The following IQCB1 variants were observed in gnomAD, a reference collection of about 807,000 sequenced individuals.
IQCB1 encodes the protein IQ motif containing B1.
Under a neutral mutation model 84.4 loss-of-function variants are expected in IQCB1, and 56 were observed. That is an observed-to-expected ratio of 0.66 (90% CI 0.54 to 0.83). IQCB1 has a LOEUF of 0.83. Ranked by LOEUF, IQCB1 falls within the 40% of genes least tolerant of loss-of-function variation. The pLI is 0.00. For missense variants in IQCB1, 629 were observed against 682.1 expected, an observed-to-expected ratio of 0.92 and a Z score of 0.87; for synonymous variants, 210 against 234.8, an observed-to-expected ratio of 0.89 and a Z score of 0.96.
chr3:121,802,191 G>T (rs898004310), intron 7 of IQCB1, among the ~76,000 whole-genome samples: 4 of 151,958 alleles, frequency 2.6e-5, no homozygotes, highest in African/African-American at 9.7e-5. Context: ...TTCTAGAAAA[G>T]TTTGCTTAAG....
intron 8 of IQCB1, among the ~76,000 whole-genome samples, chr3:121,798,461 A>T (rs538216561): frequency 6.6e-6 from 1 of 152,012 alleles, no homozygotes; most frequent in East Asian, 1.9e-4. Context: ...TAAAACAAAG[A>T]TAACATATAA....
intron 14 of IQCB1, among the ~76,000 whole-genome samples, chr3:121,771,857 G>A (rs1948005257): frequency 1.3e-5 from 2 of 152,096 alleles, no homozygotes; most frequent in South Asian, 2.1e-4. Flanking sequence ...TGGTTATGAT[G>A]AATTCATTTT....
chr3:121,792,961 G>C (rs1207188640), intron 10 of IQCB1, among the ~76,000 whole-genome samples: 3 of 152,104 alleles, frequency 2.0e-5, no homozygotes, highest in Non-Finnish European at 4.4e-5. Context: ...TGAAATGACT[G>C]ATCAGATGTC....
At chr3:121,796,329 C>A (rs1208125109) in intron 9 of IQCB1, among the ~76,000 whole-genome samples, 1 of 151,836 alleles carries the variant, frequency 6.6e-6, no homozygotes, top group Non-Finnish European at 1.5e-5. Flanking sequence ...AATTTATTGT[C>A]TTTTTGGTTT....
chr3:121,819,280 A>G (rs1950186331), intron 5 of IQCB1, among the ~76,000 whole-genome samples: 1 of 152,212 alleles, frequency 6.6e-6, no homozygotes, highest in Non-Finnish European at 1.5e-5. Flanking sequence ...AGATTCTCAT[A>G]ATGAGCCTGC....
chr3:121,828,713 C>A, intron 3 of IQCB1, 81 bp from the exon 4 acceptor site: 2 of 1,095,322 alleles, frequency 1.8e-6, no homozygotes, highest in Admixed American at 2.0e-5. Flanking sequence ...GTTGAATAAT[C>A]ACTAAAAATA....
intron 12 of IQCB1, among the ~76,000 whole-genome samples, chr3:121,787,979 G>A (rs1166287351): frequency 1.3e-5 from 2 of 152,132 alleles, no homozygotes; most frequent in Admixed American, 1.3e-4. Context: ...GTGATGAGCT[G>A]ACAACAATAA....
chr3:121,787,548 C>G (rs973618082), intron 12 of IQCB1, among the ~76,000 whole-genome samples: 1 of 151,988 alleles, frequency 6.6e-6, no homozygotes, highest in Non-Finnish European at 1.5e-5. Flanking sequence ...GTCTAGAGAT[C>G]GAGACCATCC....
At chr3:121,783,462 C>G (rs1203985833) in intron 12 of IQCB1, among the ~76,000 whole-genome samples, 1 of 152,168 alleles carries the variant, frequency 6.6e-6, no homozygotes, top group African/African-American at 2.4e-5. Context: ...CACATAAAGG[C>G]TATTCACTTT....
intron 7 of IQCB1, among the ~76,000 whole-genome samples, chr3:121,805,125 T>G (rs1472707862): frequency 6.6e-6 from 1 of 152,206 alleles, no homozygotes; most frequent in Non-Finnish European, 1.5e-5. Flanking sequence ...AATTCCAACA[T>G]ATGTACCAGT....
chr3:121,829,944 C>T (rs1354867799), intron 2 of IQCB1, among the ~76,000 whole-genome samples: 1 of 152,144 alleles, frequency 6.6e-6, no homozygotes, highest in African/African-American at 2.4e-5. Context: ...CAGTGGCTCA[C>T]ACCTATAATC....
intron 2 of IQCB1, among the ~76,000 whole-genome samples, chr3:121,832,285 T>C (rs1484007292): frequency 6.6e-6 from 1 of 152,024 alleles, no homozygotes; most frequent in Non-Finnish European, 1.5e-5. Flanking sequence ...TTGTCATTTA[T>C]TTTTTTAAAT....
intron 7 of IQCB1, among the ~76,000 whole-genome samples, chr3:121,803,810 T>C (rs1355395996): frequency 6.6e-6 from 1 of 152,328 alleles, no homozygotes; most frequent in Non-Finnish European, 1.5e-5. Flanking sequence ...TTCCACCCCA[T>C]TACTTTTAAC....
intron 2 of IQCB1, among the ~76,000 whole-genome samples, chr3:121,830,023 A>T (rs1456612885): frequency 6.6e-6 from 1 of 152,106 alleles, no homozygotes; most frequent in Non-Finnish European, 1.5e-5. Context: ...CCTGGCCAAC[A>T]TGGTGAAACC....
rs985856006 is a variant in IQCB1 at position 121,788,338 on chromosome 3, G to A, written c.1224C>T (p.His408=). 6.2e-7 allele frequency: 1 copy of A among 1,613,686 alleles called. No homozygotes were observed. Among genetic ancestry groups the A allele is most frequent in the African/African-American group, 1.3e-5 (1 of 74,864 alleles). ...ACTCTATGAGAGACTGCCTCTGTTG[G>A]TGAAAATTTTTCCTTTCCCTGTACC... ...WRGYRERKNF[H]QQRQSLIEYK... Residue 408 remains histidine (H), a synonymous_variant, in exon 12 of 15, where the codon CAC becomes CAT. Coordinates refer to ENST00000310864, the MANE Select transcript of IQCB1 (RefSeq NM_001023570.4).
At chr3:121,789,712 A>G (rs1948881003) in intron 11 of IQCB1, among the ~76,000 whole-genome samples, 1 of 152,238 alleles carries the variant, frequency 6.6e-6, no homozygotes, top group Admixed American at 6.5e-5. Flanking sequence ...ATTTGTACTA[A>G]GGAATGAGTT....
chr3:121,799,406 T>G, intron 7 of IQCB1, 32 bp from the exon 8 acceptor site: 7 of 1,300,306 alleles, frequency 5.4e-6, no homozygotes, highest in Non-Finnish European at 7.7e-6. Context: ...AAAAGTACCA[T>G]TACTAATTGA....
chr3:121,777,897 T>C (rs1559751611), intron 13 of IQCB1, among the ~76,000 whole-genome samples: 2 of 152,016 alleles, frequency 1.3e-5, no homozygotes, highest in Non-Finnish European at 2.9e-5. Context: ...CGTCTGTTCA[T>C]GTTTCTTGCC....
At chr3:121,802,565 A>C (rs1949444495) in intron 7 of IQCB1, among the ~76,000 whole-genome samples, 1 of 152,100 alleles carries the variant, frequency 6.6e-6, no homozygotes, top group South Asian at 2.1e-4. Flanking sequence ...CTTCTCAAAG[A>C]GCCAGTTTAT....
Sources: allele counts gnomAD v4.1 joint callset (sites outside exome capture counted in the v4.1 genomes callset), GRCh38; gene constraint gnomAD v4.1.1; transcripts MANE v1.5; gene names NCBI Gene and HGNC (gene_info 2026-07-23, HGNC 2026-07-21).